SLC2A4: variants seen among roughly 807,000 people sequenced by gnomAD.
SLC2A4 encodes solute carrier family 2 member 4, also known as solute carrier family 2, facilitated glucose transporter member 4.
Under a neutral mutation model 53.3 loss-of-function variants are expected in SLC2A4, and 31 were observed. That is an observed-to-expected ratio of 0.58 (90% confidence interval 0.44 to 0.78). SLC2A4 has a LOEUF of 0.78. Ranked by LOEUF, SLC2A4 falls within the 30% of genes least tolerant of loss-of-function variation. The pLI, the probability that SLC2A4 is intolerant of heterozygous loss-of-function variation, is 0.00. For synonymous variants in SLC2A4, 276 were observed against 281.9 expected (o/e 0.98, Z 0.21); for missense variants, 538 against 655.7 (o/e 0.82, Z 1.96).
chr17:7,287,251 T>TTTTTTA lies in SLC2A4; in HGVS notation c.*622_*623insTTTTTA. The TTTTTTA allele has an allele frequency of 6.5e-6, 1 of 152,782 alleles. No individual in the cohort carries two copies. Among genetic ancestry groups the TTTTTTA allele is most frequent in the Non-Finnish European group, 1.4e-5 (1 of 69,516 alleles). The allele number at this position is 152,782 out of a possible 1,614,324, so 9.5% of individuals were successfully genotyped here. ...CATTCTCCTGCCTCAGCCTCCGGAG[T>TTTTTTA]AGCTGGGACTACAGGCGCATGCCAC... is the stretch of plus-strand genomic sequence containing the variant. On this transcript the variant is annotated 3_prime_UTR_variant, in exon 11 of 11. Transcript: ENST00000317370.
rs1211343536 is a variant in SLC2A4 at position 7,285,050 on chromosome 17, C to A, written c.1021-38C>A. The A allele has an allele frequency of 6.2e-7, 1 of 1,610,200 alleles. No homozygotes were observed. The highest frequency in any genetic ancestry group is 8.5e-7 in the Non-Finnish European group (1 of 1,178,558). On this transcript the variant is annotated intron_variant, in intron 8 of 10. Transcript: ENST00000317370. This position sits in a 1 kb window ranked among gnomAD's most constrained non-coding sequence, Gnocchi z 6.0. Reference sequence around the variant, plus strand: ...CACGCGGCCCCTCCTACTTCCCGTGCCCAAAAGGCTGGGGTCAAGCTCCGA... The same window carrying A: ...CACGCGGCCCCTCCTACTTCCCGTGACCAAAAGGCTGGGGTCAAGCTCCGA...
Position 7,282,052 on chromosome 17 carries a change from G to T in SLC2A4, c.33+85G>T, listed in dbSNP as rs570785589. ...GGGTCGCGGTTGGGGTCAGCTGGGG[G>T]TGGTTCCTGCGCAGGCGCAGGGGGT... On this transcript the variant is annotated intron_variant, in intron 1 of 10. Transcript: ENST00000317370. The surrounding 1 kb of genome is among the most constrained non-coding windows in gnomAD (Gnocchi z 4.1). The T allele has an allele frequency of 5.8e-6, 7 of 1,197,420 alleles. No homozygotes were observed. The South Asian group carries it at 7.7e-5, about 13-fold the overall frequency. The allele number at this position is 1,197,420 out of a possible 1,614,324, so 74.2% of individuals were successfully genotyped here. A position where few individuals can be genotyped will look rare whatever the true frequency, so the allele number is the denominator to read the frequency against.
rs772988403 is a variant in SLC2A4 at position 7,283,589 on chromosome 17, C to G, written c.267C>G (p.Ser89=). 1.2e-6 allele frequency: 2 copies of G among 1,613,910 alleles called. No individual in the cohort carries two copies. Among genetic ancestry groups the G allele is most frequent in the African/African-American group, 2.7e-5 (2 of 74,866 alleles). Residue 89 remains serine, a synonymous_variant, in exon 3 of 11, where the codon TCC becomes TCG. Transcript: ENST00000317370. This position sits in a 1 kb window ranked among gnomAD's most constrained non-coding sequence, Gnocchi z 5.8. ...GGGCCCTCTCCGTGGCCATCTTTTC[C>G]GTGGGCGGCATGATTTCCTCCTTCC... ...TLWALSVAIF[S]VGGMISSFLI...
chr17:7,284,075 AT>A lies in SLC2A4; in HGVS notation c.552del (p.Leu185Ter). The stretch of plus-strand genomic sequence containing the variant: ...CAACCAACTGGCCATTGTTATCGGC[AT>A]TCTGATCGCCCAGGTGACCGGAGCA... ...TLNQLAIVIG[I>X]LIAQVLGLES... On this transcript the variant is annotated frameshift_variant, in exon 5 of 11. Coordinates refer to ENST00000317370, the MANE Select transcript of SLC2A4 (RefSeq NM_001042.3). LOFTEE classifies it high-confidence loss of function. This position sits in a 1 kb window ranked among gnomAD's most constrained non-coding sequence, Gnocchi z 7.5. The A allele has an allele frequency of 6.2e-7, 1 of 1,613,828 alleles. No homozygotes were observed. The highest frequency in any genetic ancestry group is 8.5e-7 in the Non-Finnish European group (1 of 1,179,850).
chr17:7,282,313 G>T lies in SLC2A4; in HGVS notation c.33+346G>T. 1.9e-6 allele frequency: 1 copy of T among 518,236 alleles called. No individual in the cohort carries two copies. The highest frequency in any genetic ancestry group is 1.5e-5 in the South Asian group (1 of 65,052). The allele number at this position is 518,236 out of a possible 1,614,324, so 32.1% of individuals were successfully genotyped here. A position where few individuals can be genotyped will look rare whatever the true frequency, so the allele number is the denominator to read the frequency against. The stretch of plus-strand genomic sequence containing the variant: ...GATCCAGGCGGGTCTTGCCCTCCGG[G>T]AGCTGTCCGTCCGTCTTCGCTCACG... On this transcript the variant is annotated intron_variant, in intron 1 of 10. Transcript: ENST00000317370. This position sits in a 1 kb window ranked among gnomAD's most constrained non-coding sequence, Gnocchi z 4.1.
chr17:7,286,394 T>C, intron 10 of SLC2A4, 32 bp from the exon 11 acceptor site: 3 of 1,600,942 alleles, frequency 1.9e-6, no homozygotes, highest in Middle Eastern at 1.7e-4. Flanking sequence ...CCCACCTCAC[T>C]CCGTCAACAC....
chr17:7,286,698 G>A lies in SLC2A4; in HGVS notation c.*69G>A. The A allele has an allele frequency of 1.5e-6, 2 of 1,330,908 alleles. No individual in the cohort carries two copies. The highest frequency in any genetic ancestry group is 1.2e-5 in the South Asian group (1 of 85,076). The allele number at this position is 1,330,908 out of a possible 1,614,324, so 82.4% of individuals were successfully genotyped here. A position where few individuals can be genotyped will look rare whatever the true frequency, so the allele number is the denominator to read the frequency against. On this transcript the variant is annotated 3_prime_UTR_variant, in exon 11 of 11. Coordinates refer to ENST00000317370, the MANE Select transcript of SLC2A4 (RefSeq NM_001042.3). ...CAGAGACCCCTTCCTTTCCTCTGCA[G>A]CACTTTAACCCTCTCTTCCCTATTA...
rs1273302603 is a variant in SLC2A4, at chr17:7,285,207, G to A, written c.1122+18G>A. 3.2e-6 allele frequency: 5 copies of A among 1,573,694 alleles called. No homozygotes were observed. The African/African-American group carries it at 6.7e-5, about 21-fold the overall frequency. ...TCCTGCTGGTAAGGCCTGGAGGCTA[G>A]GAGGGGCTAGCAGCCCACCCCATGG... On this transcript the variant is annotated intron_variant, in intron 9 of 10. Transcript: ENST00000317370. The surrounding 1 kb of genome is among the most constrained non-coding windows in gnomAD (Gnocchi z 6.0).
At position 7,283,651 on chromosome 17, in the gene SLC2A4, C is replaced by G. The variant is rs1309651868; in HGVS notation, c.323+6C>G. 1 of 1,613,886 alleles carries G rather than the reference C, an allele frequency of 6.2e-7. No homozygotes were observed. The highest frequency in any genetic ancestry group is 8.5e-7 in the Non-Finnish European group (1 of 1,179,982). ...ATCTCTCAGTGGCTTGGAAGGTTCGCAGCTGGAGGGCAGGGGTGGGGGAAA... is the reference window on the plus strand; with the variant it reads ...ATCTCTCAGTGGCTTGGAAGGTTCGGAGCTGGAGGGCAGGGGTGGGGGAAA... On this transcript the variant is annotated splice_donor_region_variant and intron_variant, in intron 3 of 10. Coordinates refer to ENST00000317370, the MANE Select transcript of SLC2A4 (RefSeq NM_001042.3). The surrounding 1 kb of genome is among the most constrained non-coding windows in gnomAD (Gnocchi z 5.8).
chr17:7,285,809 G>A lies in SLC2A4; in HGVS notation c.1227G>A (p.Glu409=), dbSNP rs140608377. 7.4e-6 allele frequency: 12 copies of A among 1,614,114 alleles called. No homozygotes were observed. The highest frequency in any genetic ancestry group is 1.0e-5 in the Non-Finnish European group (12 of 1,180,046). The change falls in exon 10 of 11, where the codon GAG becomes GAA. Residue 409 remains glutamate (E), a synonymous_variant. Coordinates refer to ENST00000317370, the MANE Select transcript of SLC2A4 (RefSeq NM_001042.3). The surrounding 1 kb of genome is among the most constrained non-coding windows in gnomAD (Gnocchi z 6.0). The part of the protein sequence containing the change: ...PGPIPWFIVA[E]LFSQGPRPAA... Reference sequence around the variant, plus strand: ...CCATTCCTTGGTTCATCGTGGCCGAGCTCTTCAGCCAGGGACCCCGCCCGG... The same window carrying A: ...CCATTCCTTGGTTCATCGTGGCCGAACTCTTCAGCCAGGGACCCCGCCCGG...
In SLC2A4 at chr17:7,283,405, G is replaced by A. The variant is rs2072419143; in HGVS notation, c.150+44G>A. On this transcript the variant is annotated intron_variant, in intron 2 of 10. Transcript: ENST00000317370. The surrounding 1 kb of genome is among the most constrained non-coding windows in gnomAD (Gnocchi z 5.8). ...CAGGGTGGGGGTACCCAAACGAGGAGGACAGGTGTCTCGGGGGTGGTGGAA... is the reference window on the plus strand; with the variant it reads ...CAGGGTGGGGGTACCCAAACGAGGAAGACAGGTGTCTCGGGGGTGGTGGAA... 1.9e-6 allele frequency: 3 copies of A among 1,611,946 alleles called. No homozygotes were observed. The highest frequency in any genetic ancestry group is 1.1e-5 in the South Asian group (1 of 91,036).
rs370002371 is a variant in SLC2A4, at chr17:7,285,869, G to A, written c.1287G>A (p.Thr429=). The A allele has an allele frequency of 4.1e-5, 66 of 1,614,028 alleles. No individual in the cohort carries two copies. The South Asian group carries it at 5.1e-4, about 12-fold the overall frequency. ...CTGTGGCTGGTTTCTCCAACTGGAC[G>A]AGCAACTTCATCATTGGCATGGGTT... ...AMAVAGFSNW[T]SNFIIGMGFQ... The change falls in exon 10 of 11, where the codon ACG becomes ACA. Residue 429 remains threonine, a synonymous_variant. Coordinates refer to ENST00000317370, the MANE Select transcript of SLC2A4 (RefSeq NM_001042.3). This position sits in a 1 kb window ranked among gnomAD's most constrained non-coding sequence, Gnocchi z 6.0.
chr17:7,286,669 G>C lies in SLC2A4; in HGVS notation c.*40G>C, dbSNP rs372752917. The C allele has an allele frequency of 6.4e-7, 1 of 1,554,690 alleles. No homozygotes were observed. The highest frequency in any genetic ancestry group is 1.1e-5 in the South Asian group (1 of 89,810). ...GTGGGAGAGCCAGCTCTCTCTACCC[G>C]GCCCAGAGACCCCTTCCTTTCCTCT... On this transcript the variant is annotated 3_prime_UTR_variant, in exon 11 of 11. Coordinates refer to ENST00000317370, the MANE Select transcript of SLC2A4 (RefSeq NM_001042.3).
In SLC2A4 at chr17:7,283,336, T is replaced by C. The variant is rs533993099; in HGVS notation, c.125T>C (p.Ile42Thr). Reference sequence around the variant, plus strand: ...GGCTCCCTGCAGTTTGGGTACAACATTGGGGTCATCAATGCCCCTCAGAAG... The same window carrying C: ...GGCTCCCTGCAGTTTGGGTACAACACTGGGGTCATCAATGCCCCTCAGAAG... ...VLGSLQFGYNIGVINAPQKVI... is the reference protein window; with the variant it reads ...VLGSLQFGYNTGVINAPQKVI... Residue 42 changes from isoleucine to threonine, a missense_variant, in exon 2 of 11, where the codon ATT (isoleucine) becomes ACT (threonine). By Grantham distance (89) the Ile-to-Thr change is moderately conservative (BLOSUM62 -1). Coordinates refer to ENST00000317370, the MANE Select transcript of SLC2A4 (RefSeq NM_001042.3). The surrounding 1 kb of genome is among the most constrained non-coding windows in gnomAD (Gnocchi z 5.8). The C allele has an allele frequency of 1.4e-5, 22 of 1,613,850 alleles. No homozygotes were observed. Among genetic ancestry groups the C allele is most frequent in the African/African-American group, 1.1e-4 (8 of 74,838 alleles).
chr17:7,282,166 G>C lies in SLC2A4; in HGVS notation c.33+199G>C. 3.1e-6 allele frequency: 2 copies of C among 636,934 alleles called. No homozygotes were observed. Among genetic ancestry groups the C allele is most frequent in the Non-Finnish European group, 5.7e-6 (2 of 350,590 alleles). The allele number at this position is 636,934 out of a possible 1,614,324, so 39.5% of individuals were successfully genotyped here. A position where few individuals can be genotyped will look rare whatever the true frequency, so the allele number is the denominator to read the frequency against. On this transcript the variant is annotated intron_variant, in intron 1 of 10. Transcript: ENST00000317370. The surrounding 1 kb of genome is among the most constrained non-coding windows in gnomAD (Gnocchi z 4.1). ...TACCAAAAGGCAGAGTGGGTCTGGAGGGCCTTTCGGGGCACAGGCAGCAAG... is the reference window on the plus strand; with the variant it reads ...TACCAAAAGGCAGAGTGGGTCTGGACGGCCTTTCGGGGCACAGGCAGCAAG...
In SLC2A4 at chr17:7,285,173, T is replaced by C. The variant is rs1408260288; in HGVS notation, c.1106T>C (p.Val369Ala). 6.2e-7 allele frequency: 1 copy of C among 1,600,452 alleles called. No homozygotes were observed. Among genetic ancestry groups the C allele is most frequent in the Admixed American group, 1.7e-5 (1 of 57,234 alleles). ...TGTGGCTGTGCCATCCTGATGACTGTGGCTCTGCTCCTGCTGGTAAGGCCT... is the reference window on the plus strand; with the variant it reads ...TGTGGCTGTGCCATCCTGATGACTGCGGCTCTGCTCCTGCTGGTAAGGCCT... ...GMCGCAILMT[V>A]ALLLLERVPA... is the part of the protein sequence containing the mutation. The change falls in exon 9 of 11, where the codon GTG (valine) becomes GCG (alanine). Residue 369 changes from valine to alanine, a missense_variant. Val to Ala is a moderately conservative substitution (Grantham distance 64). Transcript: ENST00000317370. The surrounding 1 kb of genome is among the most constrained non-coding windows in gnomAD (Gnocchi z 6.0).
chr17:7,282,070 C>T lies in SLC2A4; in HGVS notation c.33+103C>T. ...GCTGGGGGTGGTTCCTGCGCAGGCG[C>T]AGGGGGTGAAGGTAGGGGGCTGGCT... is the stretch of plus-strand genomic sequence containing the variant. On this transcript the variant is annotated intron_variant, in intron 1 of 10. Transcript: ENST00000317370. The surrounding 1 kb of genome is among the most constrained non-coding windows in gnomAD (Gnocchi z 4.1). The T allele has an allele frequency of 1.0e-6, 1 of 977,126 alleles. No individual in the cohort carries two copies. Among genetic ancestry groups the T allele is most frequent in the Non-Finnish European group, 1.6e-6 (1 of 626,342 alleles). 60.5% of individuals were successfully genotyped at this position (977,126 alleles called of 1,614,324 possible). A position where few individuals can be genotyped will look rare whatever the true frequency, so the allele number is the denominator to read the frequency against.
At position 7,284,890 on chromosome 17, in the gene SLC2A4, A is replaced by C. The variant is rs779879208; in HGVS notation, c.971A>C (p.Tyr324Ser). ...FETAGVGQPA[Y>S]ATIGAGVVNT... is the part of the protein sequence containing the mutation. The stretch of plus-strand genomic sequence containing the variant: ...ACAGCAGGGGTAGGCCAGCCTGCCT[A>C]TGCCACCATAGGAGCTGGTGTGGTC... The change falls in exon 8 of 11, where the codon TAT (tyrosine) becomes TCT (serine). Residue 324 changes from tyrosine (Y) to serine (S), a missense_variant. By Grantham distance (144) the Tyr-to-Ser change is moderately radical (BLOSUM62 -2). Transcript: ENST00000317370. The surrounding 1 kb of genome is among the most constrained non-coding windows in gnomAD (Gnocchi z 7.5). 1 of 1,614,094 alleles carries C rather than the reference A, an allele frequency of 6.2e-7. No homozygotes were observed. Among genetic ancestry groups the C allele is most frequent in the Non-Finnish European group, 8.5e-7 (1 of 1,179,984 alleles).
chr17:7,285,446 C>A lies in SLC2A4; in HGVS notation c.1122+257C>A, dbSNP rs2072441734. ...GAGAGCCCCTGTCAAGCCTCAGGAACAATCATTCCTAAGGACCCAGCTTTA... is the reference window on the plus strand; with the variant it reads ...GAGAGCCCCTGTCAAGCCTCAGGAAAAATCATTCCTAAGGACCCAGCTTTA... On this transcript the variant is annotated intron_variant, in intron 9 of 10. Transcript: ENST00000317370. This position sits in a 1 kb window ranked among gnomAD's most constrained non-coding sequence, Gnocchi z 6.0. Among the ~76,000 whole-genome samples, 1 of 152,142 alleles carries A rather than the reference C, an allele frequency of 6.6e-6. No homozygotes were observed. The highest frequency in any genetic ancestry group is 2.1e-4 in the South Asian group (1 of 4,824).
Sources: gnomAD v4.1 joint callset for allele counts (sites outside exome capture counted in the v4.1 genomes callset) on GRCh38, gnomAD v4.1.1 for gene constraint, Gnocchi (gnomAD v3.1) non-coding constraint, MANE v1.5 for transcripts, NCBI Gene and HGNC (gene_info 2026-07-23, HGNC 2026-07-21) for gene names.